ALOX12: variants seen among roughly 807,000 people sequenced by gnomAD.
The protein encoded by ALOX12 is polyunsaturated fatty acid lipoxygenase ALOX12.
In ALOX12, 62 loss-of-function variants were observed where a neutral mutation model predicts 85.5. That is an observed-to-expected ratio of 0.73 (90% confidence interval 0.59 to 0.90). The LOEUF is 0.90. ALOX12 is among the 40% of genes least tolerant of loss of function. ALOX12 has a pLI of 0.00. For missense variants in ALOX12, 751 were observed against 856.5 expected (o/e 0.88, Z 1.54); for synonymous variants, 299 against 332.7 (o/e 0.90, Z 1.10).
chr17:7,000,233 C>A lies in ALOX12; in HGVS notation c.808-103C>A. 1 of 1,379,582 alleles carries A rather than the reference C, an allele frequency of 7.2e-7. No homozygotes were observed. Among genetic ancestry groups the A allele is most frequent in the Non-Finnish European group, 1.0e-6 (1 of 993,166 alleles). The allele number at this position is 1,379,582 out of a possible 1,614,324, so 85.5% of individuals were successfully genotyped here. On this transcript the variant is annotated intron_variant, in intron 6 of 13. Transcript: ENST00000251535. This position sits in a 1 kb window ranked among gnomAD's most constrained non-coding sequence, Gnocchi z 4.6. ...TCCCAACAGGGCTCCGGTACTGATG[C>A]AGGAGAATGGCAAGAAGCTAGACTA... is the stretch of plus-strand genomic sequence containing the variant.
At chr17:6,997,180 G>C (rs1908489182) in intron 2 of ALOX12, 153 bp downstream of exon 2, 2 of 981,358 alleles carry the variant, frequency 2.0e-6, no homozygotes, top group Non-Finnish European at 2.4e-6. Flanking sequence ...GACAGAAAAC[G>C]GGAAGGAGTT....
chr17:6,996,931 A>G lies in ALOX12; in HGVS notation c.241A>G (p.Ile81Val). 1 of 1,609,132 alleles carries G rather than the reference A, an allele frequency of 6.2e-7. No individual in the cohort carries two copies. Among genetic ancestry groups the G allele is most frequent in the Non-Finnish European group, 8.5e-7 (1 of 1,177,874 alleles). ...LVDDAWFCDR[I>V]TVQGPGACAE... ...GGACGACGCGTGGTTCTGCGACCGC[A>G]TCACGGTGCAGGGCCCTGGAGCCTG... is the stretch of plus-strand genomic sequence containing the variant. The change falls in exon 2 of 14, where the codon ATC becomes GTC. Residue 81 changes from isoleucine to valine, a missense_variant. Physicochemically the swap from Ile to Val is conservative, Grantham distance 29. Transcript: ENST00000251535.
rs1338742011 is a variant in ALOX12 at position 6,996,090 on chromosome 17, C to T, written c.-28C>T. On this transcript the variant is annotated 5_prime_UTR_variant, in exon 1 of 14. Coordinates refer to ENST00000251535, the MANE Select transcript of ALOX12 (RefSeq NM_000697.3). ...CCCGGGAATCGCACAGGACCCGGCT[C>T]CCCTCGCCTAAGCTGCTGGGGGGCG... is the stretch of plus-strand genomic sequence containing the variant. 3.2e-6 allele frequency: 4 copies of T among 1,244,142 alleles called. No homozygotes were observed. Among genetic ancestry groups the T allele is most frequent in the Non-Finnish European group, 4.0e-6 (4 of 987,950 alleles). The allele number at this position is 1,244,142 out of a possible 1,614,324, so 77.1% of individuals were successfully genotyped here. A position where few individuals can be genotyped will look rare whatever the true frequency, so the allele number is the denominator to read the frequency against.
Position 6,996,797 on chromosome 17 carries a change from T to C in ALOX12, c.136-29T>C, listed in dbSNP as rs183070992. ...ACGGCCTCAGTCGGGTCCCTCCTACTAAGTCTGGCCTGGGTCCGGCCTGCA... is the reference window on the plus strand; with the variant it reads ...ACGGCCTCAGTCGGGTCCCTCCTACCAAGTCTGGCCTGGGTCCGGCCTGCA... On this transcript the variant is annotated intron_variant, in intron 1 of 13. Coordinates refer to ENST00000251535, the MANE Select transcript of ALOX12 (RefSeq NM_000697.3). The C allele has an allele frequency of 4.3e-4, 685 of 1,590,102 alleles. 4 individuals are homozygous for C. In the African/African-American group the frequency reaches 7.7e-3, roughly 18 times the overall value.
intron 8 of ALOX12, chr17:7,002,612 T>A (rs1908762319): frequency 2.4e-6 from 1 of 417,480 alleles, no homozygotes; most frequent in Admixed American, 3.2e-5. Flanking sequence ...ACACAGCAAG[T>A]CCCGGTCTCT....
chr17:7,005,435 C>G (rs987759465), intron 9 of ALOX12, 92 bp downstream of exon 9: 3 of 912,944 alleles, frequency 3.3e-6, no homozygotes, highest in Non-Finnish European at 5.4e-6. Context: ...TGAATGTCCT[C>G]ACTCTTAACC....
intron 8 of ALOX12, chr17:7,002,638 A>G (rs1567718527): frequency 2.6e-6 from 1 of 383,668 alleles, no homozygotes. Flanking sequence ...AAAAGAAAGA[A>G]AGAAAGAAAT....
chr17:7,000,528 C>A lies in ALOX12; in HGVS notation c.951+49C>A. 6.3e-7 allele frequency: 1 copy of A among 1,597,478 alleles called. No homozygotes were observed. The highest frequency in any genetic ancestry group is 8.5e-7 in the Non-Finnish European group (1 of 1,169,698). ...CAACGTTGCACTCTGTTCACCTCAA[C>A]CTCTGCTCCCAGGGACCCAACCCCC... On this transcript the variant is annotated intron_variant, in intron 7 of 13. Transcript: ENST00000251535. This position sits in a 1 kb window ranked among gnomAD's most constrained non-coding sequence, Gnocchi z 4.6.
At chr17:7,002,586 A>C (rs1053927712) in intron 8 of ALOX12, 1 of 462,350 alleles carries the variant, frequency 2.2e-6, no homozygotes, top group Non-Finnish European at 4.4e-6. Context: ...CCAGGAGTTC[A>C]AGACCAGCCT....
chr17:7,010,484 T>C lies in ALOX12; in HGVS notation c.*61T>C. ...AGCTTTAGGACTGACATTTCTATCT[T>C]GAATTTCATGCTTTCCTAAAGTCTC... On this transcript the variant is annotated 3_prime_UTR_variant, in exon 14 of 14. Coordinates refer to ENST00000251535, the MANE Select transcript of ALOX12 (RefSeq NM_000697.3). 1 of 1,554,624 alleles carries C rather than the reference T, an allele frequency of 6.4e-7. No individual in the cohort carries two copies. The highest frequency in any genetic ancestry group is 8.7e-7 in the Non-Finnish European group (1 of 1,148,372).
chr17:6,999,101 T>A, intron 5 of ALOX12, 45 bp downstream of exon 5: 3 of 1,576,240 alleles, frequency 1.9e-6, no homozygotes, highest in Non-Finnish European at 2.6e-6. Flanking sequence ...ATGGCCCCTC[T>A]GGATGACTCA....
chr17:7,005,430 G>A, intron 9 of ALOX12, 87 bp downstream of exon 9: 1 of 973,038 alleles, frequency 1.0e-6, no homozygotes, highest in Non-Finnish European at 1.6e-6. Context: ...ATGTGTGAAT[G>A]TCCTCACTCT....
intron 11 of ALOX12, among the ~76,000 whole-genome samples, chr17:7,008,681 G>T (rs895298401): frequency 1.8e-4 from 28 of 151,916 alleles, no homozygotes; most frequent in Non-Finnish European, 3.7e-4. Context: ...GAGAGGCGGA[G>T]GTTACAGTGA....
rs1908470463 is a variant in ALOX12, at chr17:6,996,938, T to G, written c.248T>G (p.Val83Gly). Residue 83 changes from valine (V) to glycine (G), a missense_variant, in exon 2 of 14, where the codon GTG (valine) becomes GGG (glycine). Physicochemically the swap from Val to Gly is moderately radical, Grantham distance 109 (BLOSUM62 -3). Coordinates refer to ENST00000251535, the MANE Select transcript of ALOX12 (RefSeq NM_000697.3). The part of the protein sequence containing the change: ...DDAWFCDRIT[V>G]QGPGACAEVA... ...GCGTGGTTCTGCGACCGCATCACGG[T>G]GCAGGGCCCTGGAGCCTGCGCGGAG... The G allele has an allele frequency of 6.2e-7, 1 of 1,605,434 alleles. No homozygotes were observed. The highest frequency in any genetic ancestry group is 8.5e-7 in the Non-Finnish European group (1 of 1,176,154).
intron 8 of ALOX12, among the ~76,000 whole-genome samples, chr17:7,003,114 G>A (rs1322994609): frequency 5.3e-5 from 8 of 152,104 alleles, no homozygotes; most frequent in Admixed American, 3.3e-4. Context: ...TGCTCCACAC[G>A]AACAAGTGAA....
At chr17:7,006,837 C>T (rs986755919) in intron 11 of ALOX12, among the ~76,000 whole-genome samples, 2 of 152,152 alleles carry the variant, frequency 1.3e-5, no homozygotes, top group Non-Finnish European at 2.9e-5. Context: ...AGTCCCACTA[C>T]ACCCCAGTCA....
intron 11 of ALOX12, 186 bp from the exon 12 acceptor site, chr17:7,009,561 G>A (rs2151648426): frequency 1.7e-6 from 1 of 582,414 alleles, no homozygotes; most frequent in East Asian, 2.8e-5. Flanking sequence ...GTTCAAATAG[G>A]TTAAGCTGGC....
intron 2 of ALOX12, 81 bp from the exon 3 acceptor site, chr17:6,998,428 C>A: frequency 1.1e-6 from 1 of 922,910 alleles, no homozygotes; most frequent in Non-Finnish European, 1.8e-6. Flanking sequence ...TGGAATACGG[C>A]TAACCACAGG....
At chr17:7,005,688 C>T (rs2151644558) in intron 9 of ALOX12, among the ~76,000 whole-genome samples, 170 bp from the exon 10 acceptor site, 1 of 151,926 alleles carries the variant, frequency 6.6e-6, no homozygotes. Flanking sequence ...ACTGTGTTGG[C>T]CAGACTGGTC....
Sources: allele counts gnomAD v4.1 joint callset (sites outside exome capture counted in the v4.1 genomes callset), GRCh38; gene constraint gnomAD v4.1.1; non-coding constraint Gnocchi (gnomAD v3.1); transcripts MANE v1.5; gene names NCBI Gene and HGNC (gene_info 2026-07-23, HGNC 2026-07-21).